Variants in CSMD1 observed in about 807,000 individuals in gnomAD.
CSMD1 encodes the protein CUB and Sushi multiple domains 1.
A neutral mutation model predicts 417.5 loss-of-function variants in CSMD1; 213 were observed. The ratio of observed to expected loss-of-function variants is 0.51; its 90% confidence interval spans 0.46 to 0.57. The LOEUF (loss-of-function observed/expected upper bound fraction) is 0.57, where lower values mean the gene tolerates loss of function less well. Ranked by LOEUF, CSMD1 falls within the 20% of genes least tolerant of loss-of-function variation. The pLI is 0.00. For synonymous variants in CSMD1, 2,862 were observed against 1,736.8 expected (o/e 1.65, Z -16.11); for missense variants, 6,923 against 4,529.7 (o/e 1.53, Z -15.17).
At chr8:4,128,054 A>G (rs1202053778) in intron 3 of CSMD1, among the ~76,000 whole-genome samples, 1 of 152,192 alleles carries the variant, frequency 6.6e-6, no homozygotes, top group African/African-American at 2.4e-5. Context: ...ATAACATCTC[A>G]AGAGCAGTGG....
intron 5 of CSMD1, among the ~76,000 whole-genome samples, chr8:3,897,563 A>T (rs536161082): frequency 6.6e-6 from 1 of 152,064 alleles, no homozygotes; most frequent in Non-Finnish European, 1.5e-5. Flanking sequence ...TGCATACAAA[A>T]CTACCTCAGT....
At chr8:3,802,023 A>G (rs2129072930) in intron 5 of CSMD1, among the ~76,000 whole-genome samples, 1 of 152,292 alleles carries the variant, frequency 6.6e-6, no homozygotes, top group Non-Finnish European at 1.5e-5. Flanking sequence ...TGACTGCACG[A>G]TGATGTAAGC....
chr8:4,362,400 C>T (rs971778160), intron 3 of CSMD1, among the ~76,000 whole-genome samples: 4 of 152,132 alleles, frequency 2.6e-5, no homozygotes, highest in Non-Finnish European at 5.9e-5. Flanking sequence ...GGGACAGAGT[C>T]TCAGGTCCGA....
intron 5 of CSMD1, among the ~76,000 whole-genome samples, chr8:3,774,666 G>GA (rs1262885763): frequency 6.6e-6 from 1 of 152,082 alleles, no homozygotes; most frequent in African/African-American, 2.4e-5. Context: ...GGAGACCAGT[G>GA]AAAAAATCAG....
chr8:3,318,864 G>C (rs893131379), intron 23 of CSMD1, among the ~76,000 whole-genome samples: 1 of 152,122 alleles, frequency 6.6e-6, no homozygotes, highest in South Asian at 2.1e-4. Flanking sequence ...TGCTTTCCAC[G>C]GGGCAGGTGG....
chr8:3,288,832 T>C (rs991223108), intron 25 of CSMD1, among the ~76,000 whole-genome samples: 7 of 147,386 alleles, frequency 4.7e-5, no homozygotes, highest in Non-Finnish European at 1.0e-4. Context: ...TTTTATTTTA[T>C]TTTATTATTA....
chr8:4,243,225 A>T (rs17069716), intron 3 of CSMD1, among the ~76,000 whole-genome samples: 4 of 152,006 alleles, frequency 2.6e-5, no homozygotes, highest in African/African-American at 9.7e-5. Context: ...CTATTAGGAG[A>T]GTCAGGAAAG....
chr8:4,728,591 T>G (rs1809628780), intron 1 of CSMD1, among the ~76,000 whole-genome samples: 1 of 152,188 alleles, frequency 6.6e-6, no homozygotes. Context: ...CTGATACCAT[T>G]TAACACATGT....
At chr8:4,321,429 A>T (rs1251870015) in intron 3 of CSMD1, among the ~76,000 whole-genome samples, 1 of 152,098 alleles carries the variant, frequency 6.6e-6, no homozygotes, top group Admixed American at 6.6e-5. Flanking sequence ...CCACTTATTG[A>T]CTTGTGACCT....
At chr8:4,354,382 T>TA (rs1801276247) in intron 3 of CSMD1, among the ~76,000 whole-genome samples, 1 of 152,190 alleles carries the variant, frequency 6.6e-6, no homozygotes, top group African/African-American at 2.4e-5. Context: ...GGTCATTTCG[T>TA]AACTATTAAA....
intron 10 of CSMD1, among the ~76,000 whole-genome samples, chr8:3,560,586 A>G (rs1009070821): frequency 3.9e-5 from 6 of 152,208 alleles, no homozygotes; most frequent in Non-Finnish European, 5.9e-5. Flanking sequence ...TGGGAGAGGA[A>G]GAAGGAATGG....
At chr8:4,103,265 T>TTA (rs143710123) in intron 3 of CSMD1, among the ~76,000 whole-genome samples, 5 of 150,020 alleles carry the variant, frequency 3.3e-5, no homozygotes, top group African/African-American at 1.2e-4. Flanking sequence ...TATACATACA[T>TTA]TATATATATC....
At chr8:4,219,963 T>A (rs548582954) in intron 3 of CSMD1, among the ~76,000 whole-genome samples, 1 of 152,194 alleles carries the variant, frequency 6.6e-6, no homozygotes, top group Non-Finnish European at 1.5e-5. Context: ...TAATGCTTTT[T>A]TTTTGAAATG....
chr8:3,201,907 C>T (rs1208072434), intron 31 of CSMD1, among the ~76,000 whole-genome samples, 182 bp from the exon 32 acceptor site: 1 of 152,006 alleles, frequency 6.6e-6, no homozygotes, highest in Non-Finnish European at 1.5e-5. Context: ...AACTATTTTA[C>T]TTTGCTTCTT....
At position 4,994,572 on chromosome 8, in the gene CSMD1, G is replaced by C; in HGVS notation, c.-156C>G. ...CATCCGACGCCTCCTGAAGGTCTGGGCGCCCGGCTCGCTTCCCTCTCATAG... is the reference window on the plus strand; with the variant it reads ...CATCCGACGCCTCCTGAAGGTCTGGCCGCCCGGCTCGCTTCCCTCTCATAG... On this transcript the variant is annotated 5_prime_UTR_variant, in exon 1 of 70. Coordinates refer to ENST00000635120, the MANE Select transcript of CSMD1 (RefSeq NM_033225.6). 1.5e-6 allele frequency: 1 copy of C among 659,748 alleles called. No homozygotes were observed. The highest frequency in any genetic ancestry group is 2.7e-6 in the Non-Finnish European group (1 of 376,356). The allele number at this position is 659,748 out of a possible 1,614,324, so 40.9% of individuals were successfully genotyped here.
At chr8:4,398,688 C>G (rs1006541128) in intron 3 of CSMD1, among the ~76,000 whole-genome samples, 1 of 152,152 alleles carries the variant, frequency 6.6e-6, no homozygotes, top group African/African-American at 2.4e-5. Flanking sequence ...AGCCATCACA[C>G]CCGGCCACTC....
intron 6 of CSMD1, among the ~76,000 whole-genome samples, chr8:3,726,813 T>C (rs959983796): frequency 2.0e-5 from 3 of 152,338 alleles, no homozygotes; most frequent in African/African-American, 4.8e-5. Flanking sequence ...AAATATCTAA[T>C]GTTTTAATAA....
At chr8:4,336,198 G>C (rs1446346107) in intron 3 of CSMD1, among the ~76,000 whole-genome samples, 2 of 152,108 alleles carry the variant, frequency 1.3e-5, no homozygotes, top group South Asian at 2.1e-4. Context: ...GTTGACTCAG[G>C]GAATGCAGGT....
chr8:4,457,214 G>C (rs987203953), intron 2 of CSMD1, among the ~76,000 whole-genome samples: 1 of 152,076 alleles, frequency 6.6e-6, no homozygotes. Flanking sequence ...TGGAGGGAAG[G>C]GGGGAACTCA....
Sources: gnomAD v4.1 joint callset for allele counts (sites outside exome capture counted in the v4.1 genomes callset) on GRCh38, gnomAD v4.1.1 for gene constraint, MANE v1.5 for transcripts, NCBI Gene and HGNC (gene_info 2026-07-23, HGNC 2026-07-21) for gene names.